Variants in GIPC2 observed in about 807,000 individuals in gnomAD.
GIPC2 encodes the protein PDZ domain-containing protein GIPC2.
Under a neutral mutation model 30.6 loss-of-function variants are expected in GIPC2, and 30 were observed. That is an observed-to-expected ratio of 0.98 (90% CI 0.73 to 1.33). The LOEUF (loss-of-function observed/expected upper bound fraction) is 1.33, where lower values mean the gene tolerates loss of function less well. Among genes scored for constraint, GIPC2 ranks in the 40% most tolerant of loss-of-function variants. GIPC2 has a pLI of 0.00. For missense variants in GIPC2, 414 were observed against 390.3 expected, an observed-to-expected ratio of 1.06 and a Z score of -0.51; for synonymous variants, 167 against 150.0, an observed-to-expected ratio of 1.11 and a Z score of -0.83.
chr1:78,087,991 T>A (rs1475248851), intron 2 of GIPC2, among the ~76,000 whole-genome samples: 1 of 151,562 alleles, frequency 6.6e-6, no homozygotes, highest in African/African-American at 2.4e-5. Flanking sequence ...AACAATAATA[T>A]TAAAAAAAAA....
chr1:78,054,516 C>T (rs1431285320), intron 1 of GIPC2, among the ~76,000 whole-genome samples: 1 of 152,194 alleles, frequency 6.6e-6, no homozygotes, highest in African/African-American at 2.4e-5. Context: ...ACATATTTTA[C>T]AAAGTAGAAG....
rs372894446 is a variant in GIPC2, at chr1:78,080,103, C to T, written c.241-572C>T. 5.8e-4 allele frequency among the ~76,000 whole-genome samples: 88 copies of T among 151,968 alleles called. 2 individuals carry two copies. Among genetic ancestry groups the T allele is most frequent in the African/African-American group, 2.0e-3 (84 of 41,420 alleles). On this transcript the variant is annotated intron_variant, in intron 1 of 5. Transcript: ENST00000370759. ...ACTAAATAAATTGCTTTTTTTCAGG[C>T]ACTATAATGCAAGATAAATAAAATT...
chr1:78,074,748 A>T (rs928607415), intron 1 of GIPC2, among the ~76,000 whole-genome samples: 2 of 152,106 alleles, frequency 1.3e-5, no homozygotes, highest in African/African-American at 4.8e-5. Context: ...ATTCCAGTCT[A>T]TCGATTTATT....
intron 1 of GIPC2, among the ~76,000 whole-genome samples, chr1:78,076,427 T>A (rs1661717922): frequency 1.3e-5 from 2 of 152,284 alleles, no homozygotes; most frequent in African/African-American, 4.8e-5. Context: ...GGAAGACAGT[T>A]TTTCCATGTA....
rs773767419 is a variant in GIPC2 at position 78,046,378 on chromosome 1, C to T, written c.240+44C>T. The T allele has an allele frequency of 1.3e-5, 19 of 1,443,060 alleles. No homozygotes were observed. In the South Asian group the frequency reaches 2.0e-4, roughly 15 times the overall value. 89.4% of individuals were successfully genotyped at this position (1,443,060 alleles called of 1,614,324 possible). On this transcript the variant is annotated intron_variant, in intron 1 of 5. Coordinates refer to ENST00000370759, the MANE Select transcript of GIPC2 (RefSeq NM_017655.6). ...AGGCTCTCCCGCCTCTCCGCCGCGC[C>T]GCGCCGCGCCGCGCGTATTTCTGTG... is the stretch of plus-strand genomic sequence containing the variant.
At chr1:78,074,995 T>C (rs1175086168) in intron 1 of GIPC2, among the ~76,000 whole-genome samples, 1 of 152,166 alleles carries the variant, frequency 6.6e-6, no homozygotes, top group African/African-American at 2.4e-5. Context: ...AACCTTTTAG[T>C]TGAAAGTAAC....
At chr1:78,123,850 G>T (rs1191328646) in intron 4 of GIPC2, among the ~76,000 whole-genome samples, 1 of 152,192 alleles carries the variant, frequency 6.6e-6, no homozygotes, top group African/African-American at 2.4e-5. Context: ...TGCATAGCCT[G>T]TTGCTTTATA....
intron 4 of GIPC2, among the ~76,000 whole-genome samples, chr1:78,121,694 G>A (rs1662687190): frequency 6.6e-6 from 1 of 152,166 alleles, no homozygotes; most frequent in Non-Finnish European, 1.5e-5. Flanking sequence ...TTTTGAAAAG[G>A]AGATATGATG....
At chr1:78,069,943 C>T (rs528852094) in intron 1 of GIPC2, among the ~76,000 whole-genome samples, 1 of 152,266 alleles carries the variant, frequency 6.6e-6, no homozygotes, top group East Asian at 1.9e-4. Flanking sequence ...AGACTGTCTT[C>T]CCCCATCACT....
Position 78,138,041 on chromosome 1 carries a change from C to T in GIPC2, c.*2298C>T, listed in dbSNP as rs1279863162. 2 of 149,066 alleles carry T rather than the reference C, an allele frequency of 1.3e-5. No homozygotes were observed. Among genetic ancestry groups the T allele is most frequent in the Non-Finnish European group, 3.0e-5 (2 of 67,272 alleles). The allele number at this position is 149,066 out of a possible 1,614,324, so 9.2% of individuals were successfully genotyped here. Reference sequence around the variant, plus strand: ...ATGGAAGATGATTATTTTGTTTGTTCTTGATTTCCTGTTATTGAAAACAGC... The same window carrying T: ...ATGGAAGATGATTATTTTGTTTGTTTTTGATTTCCTGTTATTGAAAACAGC... On this transcript the variant is annotated 3_prime_UTR_variant, in exon 6 of 6. Coordinates refer to ENST00000370759, the MANE Select transcript of GIPC2 (RefSeq NM_017655.6).
intron 2 of GIPC2, among the ~76,000 whole-genome samples, chr1:78,086,702 CT>C (rs1282383664): frequency 6.6e-6 from 1 of 152,036 alleles, no homozygotes; most frequent in Non-Finnish European, 1.5e-5. Context: ...CTTTTTTGAT[CT>C]TTGTTGGTTT....
chr1:78,077,321 A>G (rs1434501932), intron 1 of GIPC2, among the ~76,000 whole-genome samples: 1 of 152,224 alleles, frequency 6.6e-6, no homozygotes, highest in African/African-American at 2.4e-5. Flanking sequence ...AAATTAAATT[A>G]ATTCAGCTAT....
chr1:78,104,223 G>T (rs950403402), intron 3 of GIPC2, among the ~76,000 whole-genome samples: 3 of 152,044 alleles, frequency 2.0e-5, no homozygotes, highest in Non-Finnish European at 2.9e-5. Context: ...ATTCAATTAG[G>T]CATTTCTTAC....
chr1:78,062,018 A>C (rs1661403899), intron 1 of GIPC2, among the ~76,000 whole-genome samples: 1 of 152,200 alleles, frequency 6.6e-6, no homozygotes. Flanking sequence ...TATGTGTATA[A>C]AAATCTCCCT....
chr1:78,087,992 T>TA (rs1185321075), intron 2 of GIPC2, among the ~76,000 whole-genome samples: 15 of 150,290 alleles, frequency 1.0e-4, no homozygotes, highest in East Asian at 2.0e-4. Context: ...ACAATAATAT[T>TA]AAAAAAAAAG....
rs376752695 is a variant in GIPC2, at chr1:78,083,385, A to G, written c.426+2525A>G. On this transcript the variant is annotated intron_variant, in intron 2 of 5. Transcript: ENST00000370759. Reference sequence around the variant, plus strand: ...CTCAGTGCACCACATCAGAAGGTACATGAAACTGGTTTGTCTCATTGTTTG... The same window carrying G: ...CTCAGTGCACCACATCAGAAGGTACGTGAAACTGGTTTGTCTCATTGTTTG... 1.4e-3 allele frequency among the ~76,000 whole-genome samples: 210 copies of G among 152,338 alleles called. 2 individuals carry two copies. The South Asian group carries it at 0.041, about 30-fold the overall frequency.
chr1:78,080,612 A>G (rs977367310), intron 1 of GIPC2, 63 bp from the exon 2 acceptor site: 1 of 866,294 alleles, frequency 1.2e-6, no homozygotes, highest in Non-Finnish European at 1.8e-6. Context: ...ATGTTTATAA[A>G]TAAATTAACG....
At chr1:78,120,727 C>T (rs142853603) in intron 4 of GIPC2, among the ~76,000 whole-genome samples, 7 of 152,232 alleles carry the variant, frequency 4.6e-5, no homozygotes, top group South Asian at 4.2e-4. Context: ...TTTATAAAAC[C>T]GTCAGATCTT....
chr1:78,091,614 T>G, intron 2 of GIPC2: 1 of 768,120 alleles, frequency 1.3e-6, no homozygotes, highest in Non-Finnish European at 2.4e-6. Flanking sequence ...GCGTTCGTCG[T>G]GTCTGCCATC....
Sources: gnomAD v4.1 joint callset for allele counts (sites outside exome capture counted in the v4.1 genomes callset) on GRCh38, gnomAD v4.1.1 for gene constraint, MANE v1.5 for transcripts, NCBI Gene and HGNC (gene_info 2026-07-23, HGNC 2026-07-21) for gene names.